ITIH1: variants seen among roughly 807,000 people sequenced by gnomAD.
The protein encoded by ITIH1 is inter-alpha-trypsin inhibitor heavy chain H1.
ITIH1 carries 94 observed loss-of-function variants against 104.6 expected under a neutral mutation model. The observed-to-expected ratio is 0.90, with a 90% CI of 0.76 to 1.07. ITIH1 has a LOEUF of 1.07. Among genes scored for constraint, ITIH1 ranks in the 50% least tolerant of loss-of-function variants. The probability of loss-of-function intolerance (pLI) is 0.00; values close to 1 mark genes in which losing one functional copy is unlikely to be tolerated. For missense variants in ITIH1, 1,193 were observed against 1,181.4 expected (o/e 1.01, Z -0.14); for synonymous variants, 455 against 464.4 (o/e 0.98, Z 0.26).
At chr3:52,784,584 A>G in intron 11 of ITIH1, 107 bp downstream of exon 11, 1 of 1,145,742 alleles carries the variant, frequency 8.7e-7, no homozygotes, top group Non-Finnish European at 1.2e-6. Flanking sequence ...TCTGGCATAG[A>G]GTTCAAATCA....
At chr3:52,780,171 A>G (rs1698997904) in intron 5 of ITIH1, 98 bp from the exon 6 acceptor site, 2 of 1,037,498 alleles carry the variant, frequency 1.9e-6, no homozygotes, top group East Asian at 2.6e-5. Flanking sequence ...AGGCTGAGGC[A>G]GGAGGACGGC....
At chr3:52,788,400 C>T in intron 18 of ITIH1, 55 bp downstream of exon 18, 1 of 1,170,222 alleles carries the variant, frequency 8.5e-7, no homozygotes, top group Non-Finnish European at 1.3e-6. Flanking sequence ...CTGCCCTCAA[C>T]ATTCAGCCAG....
Position 52,779,095 on chromosome 3 carries a change from C to G in ITIH1, c.410+49C>G. On this transcript the variant is annotated intron_variant, in intron 4 of 21. Transcript: ENST00000273283. The surrounding 1 kb of genome is among the most constrained non-coding windows in gnomAD (Gnocchi z 4.4). ...CATCTCTAGGGCTGCCCTCCCCAGC[C>G]AGGACAGGTCTGATGGCTGCAAGGT... 3.1e-6 allele frequency: 4 copies of G among 1,301,112 alleles called. No homozygotes were observed. In the South Asian group the frequency reaches 4.7e-5, roughly 15 times the overall value. The allele number at this position is 1,301,112 out of a possible 1,614,324, so 80.6% of individuals were successfully genotyped here. A position where few individuals can be genotyped will look rare whatever the true frequency, so the allele number is the denominator to read the frequency against.
intron 18 of ITIH1, among the ~76,000 whole-genome samples, chr3:52,788,901 C>T (rs1379226493): frequency 1.3e-5 from 2 of 151,936 alleles, no homozygotes; most frequent in African/African-American, 4.8e-5. Context: ...ACCCTTAACA[C>T]TTTCTAAACA....
intron 10 of ITIH1, 80 bp downstream of exon 10, chr3:52,783,419 C>G: frequency 6.7e-7 from 1 of 1,494,494 alleles, no homozygotes; most frequent in Non-Finnish European, 9.2e-7. Context: ...GGAAACCCAA[C>G]CATTGGAGAT....
At position 52,781,097 on chromosome 3, in the gene ITIH1, C is replaced by G. The variant is rs1160896267; in HGVS notation, c.687+715C>G. 5.3e-5 allele frequency among the ~76,000 whole-genome samples: 8 copies of G among 152,300 alleles called. No homozygotes were observed. The East Asian group carries it at 1.5e-3, about 29-fold the overall frequency. On this transcript the variant is annotated intron_variant, in intron 6 of 21. Transcript: ENST00000273283. ...AACATGCTTGCTTTCTGTGGGGGAA[C>G]AAAGGGATGGGTCCTTGTCTTCCCA...
chr3:52,782,114 C>G (rs370674021), intron 7 of ITIH1, 37 bp from the exon 8 acceptor site: 1 of 1,613,964 alleles, frequency 6.2e-7, no homozygotes, highest in Non-Finnish European at 8.5e-7. Context: ...GCAAGGGGTG[C>G]TGTGAGAGTG....
At chr3:52,788,093 C>T in intron 17 of ITIH1, 27 bp downstream of exon 17, 2 of 1,575,860 alleles carry the variant, frequency 1.3e-6, no homozygotes, top group African/African-American at 1.3e-5. Flanking sequence ...GTCTGAGGGA[C>T]ACCCCTGTTT....
chr3:52,791,629 G>A lies in ITIH1; in HGVS notation c.2606+1G>A, dbSNP rs1173199732. On this transcript the variant is annotated splice_donor_variant, in intron 21 of 21. Coordinates refer to ENST00000273283, the MANE Select transcript of ITIH1 (RefSeq NM_002215.4). LOFTEE classifies it high-confidence loss of function. ...GGAACCGCCGGCTCACGGTCACCAG[G>A]TGGGTGGGCTGCTTGCCCAGCACGT... The A allele has an allele frequency of 6.2e-7, 1 of 1,613,616 alleles. No individual in the cohort carries two copies. The highest frequency in any genetic ancestry group is 1.3e-5 in the African/African-American group (1 of 74,934).
chr3:52,782,490 A>C (rs1323805031), intron 8 of ITIH1, among the ~76,000 whole-genome samples: 4 of 152,224 alleles, frequency 2.6e-5, no homozygotes, highest in African/African-American at 9.6e-5. Flanking sequence ...ATGGCAAAAA[A>C]TGGGAATGAC....
intron 16 of ITIH1, 167 bp downstream of exon 16, chr3:52,787,779 A>C: frequency 2.1e-6 from 2 of 934,702 alleles, no homozygotes; most frequent in Non-Finnish European, 3.5e-6. Context: ...GGGGGAGGAG[A>C]CAGAGAGGGG....
chr3:52,785,003 C>T, intron 11 of ITIH1, 41 bp from the exon 12 acceptor site: 1 of 1,599,616 alleles, frequency 6.3e-7, no homozygotes, highest in Non-Finnish European at 8.6e-7. Flanking sequence ...ATTAGGAGCC[C>T]AGGGTGCTCA....
At chr3:52,780,755 G>A (rs1424999609) in intron 6 of ITIH1, among the ~76,000 whole-genome samples, 1 of 152,224 alleles carries the variant, frequency 6.6e-6, no homozygotes, top group African/African-American at 2.4e-5. Flanking sequence ...TGCTGGTGTG[G>A]TTAGGACTCC....
rs191335030 is a variant in ITIH1 at position 52,783,327 on chromosome 3, G to A, written c.1213G>A (p.Asp405Asn). ...AATACTCATCATGTTGACAGATGGCGATCCCACAGAGGGTAAGCACCTTGG... is the reference window on the plus strand; with the variant it reads ...AATACTCATCATGTTGACAGATGGCAATCCCACAGAGGGTAAGCACCTTGG... ...ASILIMLTDGDPTEGVTDRSQ... is the reference protein window; with the variant it reads ...ASILIMLTDGNPTEGVTDRSQ... Residue 405 changes from aspartate (D) to asparagine (N), a missense_variant, in exon 10 of 22, where the codon GAT becomes AAT. By Grantham distance (23) the Asp-to-Asn change is conservative. Transcript: ENST00000273283. 8.0e-5 allele frequency: 129 copies of A among 1,613,948 alleles called. No homozygotes were observed. The Admixed American group carries it at 1.2e-3, about 15-fold the overall frequency.
chr3:52,791,790 A>T lies in ITIH1; in HGVS notation c.2615A>T (p.Gln872Leu), dbSNP rs1317060711. Residue 872 changes from glutamine (Q) to leucine (L), a missense_variant, in exon 22 of 22, where the codon CAA (glutamine) becomes CTA (leucine). Physicochemically the swap from Gln to Leu is moderately radical, Grantham distance 113 (BLOSUM62 -2). Transcript: ENST00000273283. ...NRRLTVTRGL[Q>L]KDYSKDPWHG... The stretch of plus-strand genomic sequence containing the variant: ...GACTTGTCTCTGCACAGGGGTTTGC[A>T]AAAAGACTACAGCAAGGACCCGTGG... 1 of 1,612,974 alleles carries T rather than the reference A, an allele frequency of 6.2e-7. No homozygotes were observed. Among genetic ancestry groups the T allele is most frequent in the African/African-American group, 1.3e-5 (1 of 74,944 alleles).
At chr3:52,787,669 G>A (rs1173251065) in intron 16 of ITIH1, 57 bp downstream of exon 16, 61 of 1,582,932 alleles carry the variant, frequency 3.9e-5, no homozygotes, top group South Asian at 3.4e-4. Flanking sequence ...TGATCACCCC[G>A]TTGGCTTTCT....
chr3:52,787,844 A>G, intron 16 of ITIH1, 142 bp from the exon 17 acceptor site: 1 of 953,636 alleles, frequency 1.0e-6, no homozygotes, highest in Non-Finnish European at 1.7e-6. Context: ...GAGCCAATCA[A>G]GGGCATGTGA....
chr3:52,780,475 C>G (rs1578729545), intron 6 of ITIH1, 93 bp downstream of exon 6: 2 of 817,722 alleles, frequency 2.4e-6, no homozygotes, highest in South Asian at 3.4e-5. Context: ...GCCCAGAAAC[C>G]AGGCAGGGGC....
chr3:52,778,602 C>G (rs1472154253), intron 3 of ITIH1, 96 bp downstream of exon 3: 2 of 1,559,272 alleles, frequency 1.3e-6, no homozygotes, highest in African/African-American at 1.4e-5. Context: ...TAACGCAGAG[C>G]ATCTCCTCAT....
Sources: gnomAD v4.1 joint callset for allele counts (sites outside exome capture counted in the v4.1 genomes callset) on GRCh38, gnomAD v4.1.1 for gene constraint, Gnocchi (gnomAD v3.1) non-coding constraint, MANE v1.5 for transcripts, NCBI Gene and HGNC (gene_info 2026-07-23, HGNC 2026-07-21) for gene names.